EYS: variants seen among roughly 807,000 people sequenced by gnomAD.
EYS encodes the protein protein eyes shut homolog.
EYS carries 250 observed loss-of-function variants against 282.1 expected under a neutral mutation model. The observed-to-expected ratio is 0.89, with a 90% CI of 0.80 to 0.98. The LOEUF is 0.98. EYS is among the 50% of genes least tolerant of loss of function. The probability of loss-of-function intolerance (pLI) is 0.00; values close to 1 mark genes in which losing one functional copy is unlikely to be tolerated. For synonymous variants in EYS, 1,355 were observed against 1,282.9 expected (o/e 1.06, Z -1.20); for missense variants, 4,016 against 3,709.0 (o/e 1.08, Z -2.15).
At chr6:64,944,569 C>G (rs1178428348) in intron 15 of EYS, among the ~76,000 whole-genome samples, 2 of 152,168 alleles carry the variant, frequency 1.3e-5, no homozygotes, top group African/African-American at 4.8e-5. Context: ...CAAGGTTTCT[C>G]CCCATATGAT....
chr6:65,292,131 C>G (rs1299021423), intron 12 of EYS, among the ~76,000 whole-genome samples: 3 of 151,614 alleles, frequency 2.0e-5, no homozygotes, highest in African/African-American at 4.8e-5. Flanking sequence ...TTGGGGAAAA[C>G]CATAAATACA....
chr6:65,152,456 A>G (rs1561993123), intron 12 of EYS, among the ~76,000 whole-genome samples: 1 of 151,950 alleles, frequency 6.6e-6, no homozygotes, highest in African/African-American at 2.4e-5. Context: ...CTTTATAAGA[A>G]GAGGAACTTT....
chr6:65,243,741 C>T (rs1456129990), intron 12 of EYS, among the ~76,000 whole-genome samples: 1 of 151,912 alleles, frequency 6.6e-6, no homozygotes, highest in East Asian at 1.9e-4. Flanking sequence ...CCCATTTCTA[C>T]AGAAAAATAA....
At chr6:64,346,485 A>T (rs891410228) in intron 29 of EYS, among the ~76,000 whole-genome samples, 1 of 151,836 alleles carries the variant, frequency 6.6e-6, no homozygotes, top group Non-Finnish European at 1.5e-5. Context: ...TCTCACTCTT[A>T]AGTGGGAATT....
chr6:64,237,265 T>C (rs964916140), intron 30 of EYS, among the ~76,000 whole-genome samples: 9 of 152,174 alleles, frequency 5.9e-5, no homozygotes, highest in Non-Finnish European at 1.3e-4. Context: ...CTAACTAATA[T>C]CTGTTTCATT....
intron 11 of EYS, among the ~76,000 whole-genome samples, chr6:65,313,731 A>T (rs1582131536): frequency 6.6e-6 from 1 of 152,138 alleles, no homozygotes; most frequent in East Asian, 1.9e-4. Flanking sequence ...CCCATCTCCT[A>T]CGTGGCCTTG....
At chr6:64,148,007 C>T (rs1401089006) in intron 31 of EYS, among the ~76,000 whole-genome samples, 1 of 152,086 alleles carries the variant, frequency 6.6e-6, no homozygotes, top group Non-Finnish European at 1.5e-5. Flanking sequence ...AACCCTAGGC[C>T]AAAGTGACTT....
chr6:64,570,638 C>G (rs1040644613), intron 26 of EYS, among the ~76,000 whole-genome samples: 4 of 152,058 alleles, frequency 2.6e-5, no homozygotes, highest in African/African-American at 9.7e-5. Flanking sequence ...CAATCCTAAT[C>G]TCTGATAAAA....
chr6:65,109,439 C>A (rs1425846551), intron 12 of EYS, among the ~76,000 whole-genome samples: 1 of 151,936 alleles, frequency 6.6e-6, no homozygotes, highest in Non-Finnish European at 1.5e-5. Flanking sequence ...GAACTGCAAA[C>A]CTTTTTTTAC....
Position 65,598,891 on chromosome 6 carries a change from T to C in EYS, c.-333+40887A>G, listed in dbSNP as rs114011131. On this transcript the variant is annotated intron_variant, in intron 2 of 42. Coordinates refer to ENST00000503581, the MANE Select transcript of EYS (RefSeq NM_001142800.2). ...CAACTGTAATCAAAGGGAGTAGTAA[T>C]AGTATGAGTTAGGGTCATCACTTAA... Among the ~76,000 whole-genome samples the C allele has an allele frequency of 3.9e-3, 596 of 152,268 alleles. 5 individuals carry two copies. Among genetic ancestry groups the C allele is most frequent in the African/African-American group, 0.014 (573 of 41,574 alleles).
intron 12 of EYS, among the ~76,000 whole-genome samples, chr6:65,173,176 G>A (rs1355046228): frequency 1.3e-5 from 2 of 151,258 alleles, no homozygotes; most frequent in Non-Finnish European, 3.0e-5. Context: ...AATTACGGTG[G>A]TGCTGTGATA....
chr6:65,364,161 A>T (rs993106101), intron 8 of EYS, among the ~76,000 whole-genome samples: 1 of 150,840 alleles, frequency 6.6e-6, no homozygotes, highest in African/African-American at 2.4e-5. Flanking sequence ...ACATCACATC[A>T]TTTGATTTTG....
intron 35 of EYS, among the ~76,000 whole-genome samples, chr6:63,892,429 A>G (rs895680989): frequency 3.3e-5 from 5 of 152,294 alleles, no homozygotes; most frequent in African/African-American, 1.2e-4. Context: ...ACCACCACAC[A>G]TCTACAACCA....
intron 28 of EYS, among the ~76,000 whole-genome samples, chr6:64,399,886 A>G (rs562590610): frequency 6.6e-6 from 1 of 152,000 alleles, no homozygotes; most frequent in East Asian, 1.9e-4. Context: ...GCTGGTCCTG[A>G]TAATAGTTTC....
chr6:65,210,223 A>G (rs1766139722), intron 12 of EYS, among the ~76,000 whole-genome samples: 1 of 152,020 alleles, frequency 6.6e-6, no homozygotes, highest in Non-Finnish European at 1.5e-5. Context: ...TTACATGCGA[A>G]TGCGTAATAT....
intron 1 of EYS, among the ~76,000 whole-genome samples, chr6:65,667,371 C>A (rs2149830116): frequency 6.6e-6 from 1 of 151,964 alleles, no homozygotes; most frequent in East Asian, 1.9e-4. Flanking sequence ...TTCTCTTTCT[C>A]ACTTATTTGG....
At chr6:64,573,519 A>G (rs1765789753) in intron 26 of EYS, among the ~76,000 whole-genome samples, 1 of 152,220 alleles carries the variant, frequency 6.6e-6, no homozygotes. Context: ...AAAGTTTTCC[A>G]TTCAATCCAT....
intron 22 of EYS, among the ~76,000 whole-genome samples, chr6:64,674,930 G>C (rs1769599792): frequency 6.6e-6 from 1 of 151,962 alleles, no homozygotes; most frequent in Admixed American, 6.6e-5. Flanking sequence ...TACCATTAGG[G>C]ATTTCTTTAT....
At chr6:64,482,001 G>A (rs1461387052) in intron 26 of EYS, among the ~76,000 whole-genome samples, 1 of 151,706 alleles carries the variant, frequency 6.6e-6, no homozygotes, top group Non-Finnish European at 1.5e-5. Flanking sequence ...GACAACGGAG[G>A]TGAGGTGAGC....
Sources: allele counts gnomAD v4.1 joint callset (sites outside exome capture counted in the v4.1 genomes callset), GRCh38; gene constraint gnomAD v4.1.1; transcripts MANE v1.5; gene names NCBI Gene and HGNC (gene_info 2026-07-23, HGNC 2026-07-21).